Variants in B3GALT5 observed in about 807,000 individuals in gnomAD.
B3GALT5 encodes UDP-Gal:betaGlcNAc beta 1,3-galactosyltransferase, polypeptide 5.
For missense variants in B3GALT5, 328 were observed against 396.6 expected (o/e 0.83, Z 1.47); for synonymous variants, 156 against 158.6 (o/e 0.98, Z 0.12).
At chr21:39,618,116 A>G (rs538135595) in intron 1 of B3GALT5, among the ~76,000 whole-genome samples, 13 of 152,252 alleles carry the variant, frequency 8.5e-5, no homozygotes, top group African/African-American at 3.1e-4. Flanking sequence ...GATCAATCCA[A>G]TGCACTCTAG....
intron 2 of B3GALT5, among the ~76,000 whole-genome samples, chr21:39,649,753 C>T (rs112463796): frequency 0.01 from 1,544 of 152,168 alleles, 24 homozygotes; most frequent in African/African-American, 0.035. Context: ...CAGATAGTGA[C>T]GTTGGGGATC....
intron 1 of B3GALT5, among the ~76,000 whole-genome samples, chr21:39,639,348 T>TTCTC (rs2079260643): frequency 1.1e-5 from 1 of 88,786 alleles, no homozygotes; most frequent in Non-Finnish European, 2.3e-5. Flanking sequence ...CTTTCTTTCT[T>TTCTC]TCCTTCCTTC....
intron 1 of B3GALT5, among the ~76,000 whole-genome samples, chr21:39,644,359 T>TTG (rs1008652692): frequency 2.1e-4 from 32 of 152,278 alleles, no homozygotes; most frequent in Non-Finnish European, 4.1e-4. Context: ...AGGAGTTTCC[T>TTG]TGTGGGCAAA....
chr21:39,638,820 A>G (rs907882358), intron 1 of B3GALT5, among the ~76,000 whole-genome samples: 2 of 152,156 alleles, frequency 1.3e-5, no homozygotes, highest in Non-Finnish European at 1.5e-5. Flanking sequence ...GCAGCGGGGC[A>G]TGGAAGAAGC....
chr21:39,660,319 A>G (rs2079498712), intron 3 of B3GALT5, among the ~76,000 whole-genome samples: 1 of 152,232 alleles, frequency 6.6e-6, no homozygotes, highest in Non-Finnish European at 1.5e-5. Context: ...TAAGGGCTGC[A>G]GAGCCTGGAC....
Position 39,668,503 on chromosome 21 carries a change from A to G in B3GALT5, c.*7011A>G, listed in dbSNP as rs2079598564. The G allele has an allele frequency of 1.3e-5, 2 of 152,256 alleles. No homozygotes were observed. Among genetic ancestry groups the G allele is most frequent in the Non-Finnish European group, 2.9e-5 (2 of 68,088 alleles). 9.4% of individuals were successfully genotyped at this position (152,256 alleles called of 1,614,324 possible). On this transcript the variant is annotated 3_prime_UTR_variant, in exon 4 of 4. Transcript: ENST00000684187. ...GCCCAGGTGTGAAATGGTTGTCTCAATGGAAGTTGTAGCCTCCTCCTCCCA... is the reference window on the plus strand; with the variant it reads ...GCCCAGGTGTGAAATGGTTGTCTCAGTGGAAGTTGTAGCCTCCTCCTCCCA...
intron 1 of B3GALT5, among the ~76,000 whole-genome samples, chr21:39,639,190 C>T (rs1373780907): frequency 6.6e-6 from 1 of 152,144 alleles, no homozygotes; most frequent in Admixed American, 6.5e-5. Context: ...CACCTCTCTT[C>T]TTTTAGGTCA....
chr21:39,660,500 A>G (rs2079501691), intron 3 of B3GALT5, 60 bp from the exon 4 acceptor site: 2 of 1,338,492 alleles, frequency 1.5e-6, no homozygotes, highest in Non-Finnish European at 1.9e-6. Context: ...GCCTCCTAGC[A>G]TAAAACTAGA....
At chr21:39,639,733 C>G (rs1197783516) in intron 1 of B3GALT5, among the ~76,000 whole-genome samples, 1 of 151,866 alleles carries the variant, frequency 6.6e-6, no homozygotes, top group Non-Finnish European at 1.5e-5. Context: ...CTGCCTCGGC[C>G]TCCCAAAGCG....
At chr21:39,653,236 T>A (rs1366827325) in intron 2 of B3GALT5, among the ~76,000 whole-genome samples, 1 of 152,254 alleles carries the variant, frequency 6.6e-6, no homozygotes, top group Non-Finnish European at 1.5e-5. Flanking sequence ...ATAACATCTG[T>A]CAGATTAATA....
At chr21:39,653,640 C>T (rs1025922884) in intron 2 of B3GALT5, among the ~76,000 whole-genome samples, 1 of 152,202 alleles carries the variant, frequency 6.6e-6, no homozygotes, top group African/African-American at 2.4e-5. Context: ...TCCTTGCAAC[C>T]TAGAGGGCAG....
At chr21:39,630,383 G>A (rs1480929594) in intron 1 of B3GALT5, 8 of 152,042 alleles carry the variant, frequency 5.3e-5, no homozygotes, top group Admixed American at 3.9e-4. Context: ...TTTTCCAAGC[G>A]TCAGAGTCTT....
At chr21:39,623,749 G>A (rs1199800371) in intron 1 of B3GALT5, among the ~76,000 whole-genome samples, 2 of 152,106 alleles carry the variant, frequency 1.3e-5, no homozygotes, top group African/African-American at 4.8e-5. Context: ...TCGACGTTCT[G>A]TGGACTCACT....
intron 2 of B3GALT5, among the ~76,000 whole-genome samples, chr21:39,656,439 C>T (rs2079445142): frequency 6.6e-6 from 1 of 152,202 alleles, no homozygotes; most frequent in South Asian, 2.1e-4. Context: ...AGGACCAGTG[C>T]AGATGCCACG....
rs9975062 is a variant in B3GALT5, at chr21:39,671,078, C to T, written c.*9586C>T. The T allele has an allele frequency of 0.47, 71,788 of 152,038 alleles. 17,368 individuals carry two copies. Among genetic ancestry groups the T allele is most frequent in the Middle Eastern group, 0.57 (169 of 294 alleles). 9.4% of individuals were successfully genotyped at this position (152,038 alleles called of 1,614,324 possible). On this transcript the variant is annotated 3_prime_UTR_variant, in exon 4 of 4. Coordinates refer to ENST00000684187, the MANE Select transcript of B3GALT5 (RefSeq NM_001356336.2). ...ATTGTGGGCAAAAGAGCAAAACTTG[C>T]TTTGATAAAATCACTCTTGGCAATA...
chr21:39,637,828 G>A (rs2079239499), intron 1 of B3GALT5, among the ~76,000 whole-genome samples: 1 of 152,202 alleles, frequency 6.6e-6, no homozygotes, highest in African/African-American at 2.4e-5. Flanking sequence ...AGACTTAATT[G>A]GTCTTAGGGT....
At chr21:39,635,059 C>T (rs547402668) in intron 1 of B3GALT5, among the ~76,000 whole-genome samples, 5 of 152,240 alleles carry the variant, frequency 3.3e-5, no homozygotes, top group African/African-American at 1.2e-4. Context: ...ACTGAGGGCC[C>T]CCGCAAAGCC....
rs2079625243 is a variant in B3GALT5, at chr21:39,671,266, T to C, written c.*9774T>C. 6.6e-6 allele frequency: 1 copy of C among 152,232 alleles called. No homozygotes were observed. Among genetic ancestry groups the C allele is most frequent in the Non-Finnish European group, 1.5e-5 (1 of 68,036 alleles). 9.4% of individuals were successfully genotyped at this position (152,232 alleles called of 1,614,324 possible). A position where few individuals can be genotyped will look rare whatever the true frequency, so the allele number is the denominator to read the frequency against. On this transcript the variant is annotated 3_prime_UTR_variant, in exon 4 of 4. Coordinates refer to ENST00000684187, the MANE Select transcript of B3GALT5 (RefSeq NM_001356336.2). ...CACATTCAAACTGTAGCAGGAATTATTTGCTTTCTCATAACATTTTTTTAA... is the reference window on the plus strand; with the variant it reads ...CACATTCAAACTGTAGCAGGAATTACTTGCTTTCTCATAACATTTTTTTAA...
chr21:39,616,150 C>G (rs2079106378), intron 1 of B3GALT5, among the ~76,000 whole-genome samples: 2 of 152,010 alleles, frequency 1.3e-5, no homozygotes, highest in Non-Finnish European at 2.9e-5. Context: ...AAGTTTGAGA[C>G]CAGCCTGGAC....
Sources: gnomAD v4.1 joint callset for allele counts (sites outside exome capture counted in the v4.1 genomes callset) on GRCh38, gnomAD v4.1.1 for gene constraint, MANE v1.5 for transcripts, NCBI Gene and HGNC (gene_info 2026-07-23, HGNC 2026-07-21) for gene names.